Variants in SIPA1L2 observed in about 807,000 individuals in gnomAD.
SIPA1L2 encodes signal-induced proliferation-associated 1-like protein 2.
In SIPA1L2, 56 loss-of-function variants were observed where a neutral mutation model predicts 163.9. That is an observed-to-expected ratio of 0.34 (90% CI 0.28 to 0.43). The LOEUF is 0.43. Among genes scored for constraint, SIPA1L2 ranks in the 20% least tolerant of loss-of-function variants. The pLI is 1.00. For synonymous variants in SIPA1L2, 877 were observed against 865.7 expected, an observed-to-expected ratio of 1.01 and a Z score of -0.23; for missense variants, 1,974 against 2,193.5, an observed-to-expected ratio of 0.90 and a Z score of 2.00.
intron 2 of SIPA1L2, among the ~76,000 whole-genome samples, chr1:232,548,742 C>T (rs534326794): frequency 1.3e-5 from 2 of 152,306 alleles, no homozygotes; most frequent in South Asian, 4.1e-4. Flanking sequence ...AGGAACGGAG[C>T]TCCCCTGAAC....
At chr1:232,480,525 C>T (rs1665292897) in intron 6 of SIPA1L2, among the ~76,000 whole-genome samples, 1 of 152,110 alleles carries the variant, frequency 6.6e-6, no homozygotes, top group African/African-American at 2.4e-5. Context: ...TCTGTATTAT[C>T]AATAAGAGTA....
rs566348210 is a variant in SIPA1L2, at chr1:232,438,973, T to G, written c.4031+135A>C. On this transcript the variant is annotated intron_variant, in intron 15 of 22. Coordinates refer to ENST00000674635, the MANE Select transcript of SIPA1L2 (RefSeq NM_020808.5). Reference sequence around the variant, plus strand: ...TTGTAGAAACAAGCCCTTCCTCTGATGTCAGACAGCTAGGAAAAATTACAC... The same window carrying G: ...TTGTAGAAACAAGCCCTTCCTCTGAGGTCAGACAGCTAGGAAAAATTACAC... 5 of 828,566 alleles carry G rather than the reference T, an allele frequency of 6.0e-6. No individual in the cohort carries two copies. The South Asian group carries it at 7.3e-5, about 12-fold the overall frequency. The allele number at this position is 828,566 out of a possible 1,614,324, so 51.3% of individuals were successfully genotyped here.
chr1:232,609,795 A>G (rs976175307), intron 1 of SIPA1L2, among the ~76,000 whole-genome samples: 1 of 147,762 alleles, frequency 6.8e-6, no homozygotes, highest in Non-Finnish European at 1.5e-5. Flanking sequence ...GCACCACTGC[A>G]CTCCAGCCCA....
intron 1 of SIPA1L2, among the ~76,000 whole-genome samples, chr1:232,627,731 A>G (rs1663158329): frequency 6.6e-6 from 1 of 152,212 alleles, no homozygotes; most frequent in South Asian, 2.1e-4. Flanking sequence ...AACTGGGTAA[A>G]ATCTGTGGCC....
intron 20 of SIPA1L2, among the ~76,000 whole-genome samples, 190 bp downstream of exon 20, chr1:232,403,935 G>A (rs1660494326): frequency 6.6e-6 from 1 of 152,196 alleles, no homozygotes; most frequent in African/African-American, 2.4e-5. Context: ...CAGAACAAAG[G>A]AGAGGGACCT....
chr1:232,404,952 T>C (rs1031074438), intron 19 of SIPA1L2, among the ~76,000 whole-genome samples: 1 of 152,182 alleles, frequency 6.6e-6, no homozygotes, highest in Admixed American at 6.5e-5. Flanking sequence ...TTCCTATGAA[T>C]TGGTTAATTC....
chr1:232,399,933 G>T (rs1660234275), intron 22 of SIPA1L2, among the ~76,000 whole-genome samples: 1 of 152,154 alleles, frequency 6.6e-6, no homozygotes, highest in East Asian at 1.9e-4. Flanking sequence ...TTCTGTAACG[G>T]GATCTAACTC....
At chr1:232,544,210 G>A (rs1262933387) in intron 2 of SIPA1L2, among the ~76,000 whole-genome samples, 2 of 151,918 alleles carry the variant, frequency 1.3e-5, no homozygotes, top group Non-Finnish European at 2.9e-5. Flanking sequence ...ATTCTGAGAC[G>A]TCTTGGGACA....
rs1321465351 is a variant in SIPA1L2, at chr1:232,505,706, A to G, written c.1483+8151T>C. 2.0e-5 allele frequency among the ~76,000 whole-genome samples: 3 copies of G among 152,110 alleles called. No individual in the cohort carries two copies. In the East Asian group the frequency reaches 5.8e-4, roughly 29 times the overall value. On this transcript the variant is annotated intron_variant, in intron 3 of 22. Coordinates refer to ENST00000674635, the MANE Select transcript of SIPA1L2 (RefSeq NM_020808.5). Reference sequence around the variant, plus strand: ...ACCACAGCCCTTGGTGCTGAATCTCATGTGTATCTGGGCAATTCCTCCCCA... The same window carrying G: ...ACCACAGCCCTTGGTGCTGAATCTCGTGTGTATCTGGGCAATTCCTCCCCA...
chr1:232,441,465 G>T (rs1662889405), intron 13 of SIPA1L2, 71 bp from the exon 14 acceptor site: 4 of 1,257,018 alleles, frequency 3.2e-6, no homozygotes, highest in Non-Finnish European at 4.5e-6. Flanking sequence ...AAAACCAGGA[G>T]TCAGACAAGT....
In SIPA1L2 at chr1:232,435,125, TG is replaced by T. The variant is rs559110593; in HGVS notation, c.4032-2655del. Among the ~76,000 whole-genome samples, 105 of 152,316 alleles carry T rather than the reference TG, an allele frequency of 6.9e-4. No homozygotes were observed. The Middle Eastern group carries it at 0.014, about 20-fold the overall frequency. On this transcript the variant is annotated intron_variant, in intron 15 of 22. Transcript: ENST00000674635. ...CCCGAGATGTTTCGTTGTTAAAGGC[TG>T]GGGCACTCAAAGTCATGGTCTAGTT...
chr1:232,399,352 T>C (rs1204018638), intron 22 of SIPA1L2, 79 bp from the exon 23 acceptor site: 8 of 1,463,642 alleles, frequency 5.5e-6, no homozygotes, highest in Non-Finnish European at 7.4e-6. Flanking sequence ...ACGAGAATCT[T>C]TGATTCTTAT....
intron 2 of SIPA1L2, among the ~76,000 whole-genome samples, chr1:232,570,663 AG>A (rs1659673382): frequency 6.6e-6 from 1 of 152,224 alleles, no homozygotes; most frequent in African/African-American, 2.4e-5. Flanking sequence ...AGCTTATTCA[AG>A]GAAGCACACC....
upstream of SIPA1L2, among the ~76,000 whole-genome samples, chr1:232,630,233 C>G (rs1663321190): frequency 6.6e-6 from 1 of 151,774 alleles, no homozygotes; most frequent in Non-Finnish European, 1.5e-5. Flanking sequence ...GCCCCCTCGG[C>G]CCCGCCCCAC....
At position 232,429,950 on chromosome 1, in the gene SIPA1L2, A is replaced by C. The variant is rs560447035; in HGVS notation, c.4257-1386T>G. 1.2e-4 allele frequency among the ~76,000 whole-genome samples: 18 copies of C among 152,378 alleles called. No homozygotes were observed. The South Asian group carries it at 3.7e-3, about 32-fold the overall frequency. On this transcript the variant is annotated intron_variant, in intron 16 of 22. Transcript: ENST00000674635. ...AATTACGATTACAATGTGCTGTTCT[A>C]GTTTCTATATACGTTTATAGAATAT...
chr1:232,575,217 C>G (rs999943672), intron 1 of SIPA1L2, among the ~76,000 whole-genome samples: 10 of 152,180 alleles, frequency 6.6e-5, no homozygotes, highest in Non-Finnish European at 5.9e-5. Flanking sequence ...GTGTGGCTCT[C>G]TAAATGCTGC....
chr1:232,415,046 G>A (rs557651495), intron 19 of SIPA1L2, among the ~76,000 whole-genome samples: 1 of 152,174 alleles, frequency 6.6e-6, no homozygotes, highest in African/African-American at 2.4e-5. Context: ...AGCCAATCAC[G>A]CTGGAGTCTG....
chr1:232,624,976 A>G (rs532768443), intron 1 of SIPA1L2, among the ~76,000 whole-genome samples: 94 of 152,356 alleles, frequency 6.2e-4, no homozygotes, highest in African/African-American at 2.0e-3. Flanking sequence ...CACAGATCAC[A>G]GTGTGACCCT....
chr1:232,404,744 G>A (rs929726291), intron 19 of SIPA1L2, among the ~76,000 whole-genome samples: 4 of 152,174 alleles, frequency 2.6e-5, no homozygotes, highest in Non-Finnish European at 5.9e-5. Context: ...ACCAAGAACA[G>A]CAATCCAGAA....
Sources: gnomAD v4.1 joint callset for allele counts (sites outside exome capture counted in the v4.1 genomes callset) on GRCh38, gnomAD v4.1.1 for gene constraint, MANE v1.5 for transcripts, NCBI Gene and HGNC (gene_info 2026-07-23, HGNC 2026-07-21) for gene names.